IL17RC: variants seen among roughly 807,000 people sequenced by gnomAD.
The protein encoded by IL17RC is interleukin-17 receptor C.
Under a neutral mutation model 86.7 loss-of-function variants are expected in IL17RC, and 53 were observed. That is an observed-to-expected ratio of 0.61 (90% CI 0.49 to 0.77). The LOEUF is 0.77. Among genes scored for constraint, IL17RC ranks in the 30% least tolerant of loss-of-function variants. The pLI is 0.00. For synonymous variants in IL17RC, 439 were observed against 413.1 expected, an observed-to-expected ratio of 1.06 and a Z score of -0.76; for missense variants, 957 against 940.0, an observed-to-expected ratio of 1.02 and a Z score of -0.24.
In IL17RC at chr3:9,924,308, G is replaced by C; in HGVS notation, c.822+17G>C. The C allele has an allele frequency of 1.2e-6, 2 of 1,612,784 alleles. No individual in the cohort carries two copies. The highest frequency in any genetic ancestry group is 1.7e-6 in the Non-Finnish European group (2 of 1,178,948). On this transcript the variant is annotated intron_variant, in intron 9 of 18. Transcript: ENST00000403601. ...TGTATTCAGGTAGGAGCAGAGTCTAGCTGGGTGCCAGAAGAGGAGTGGGAA... is the reference window on the plus strand; with the variant it reads ...TGTATTCAGGTAGGAGCAGAGTCTACCTGGGTGCCAGAAGAGGAGTGGGAA...
At position 9,933,464 on chromosome 3, in the gene IL17RC, A is replaced by T. The variant is rs768368148; in HGVS notation, c.2034A>T (p.Gln678His). Residue 678 changes from glutamine (Q) to histidine (H), a missense_variant, in exon 19 of 19, where the codon CAA becomes CAT. Gln to His is a conservative substitution (Grantham distance 24). Transcript: ENST00000403601. ...GCGCCCCGCGTTCCGGGCGGCTCCA[A>T]GAGAGAGCGGAGCAAGTGTCCCGGG... The part of the protein sequence containing the change: ...QPRAPRSGRL[Q>H]ERAEQVSRAL... The T allele has an allele frequency of 6.2e-7, 1 of 1,612,866 alleles. No homozygotes were observed. Among genetic ancestry groups the T allele is most frequent in the Non-Finnish European group, 8.5e-7 (1 of 1,179,728 alleles).
intron 9 of IL17RC, among the ~76,000 whole-genome samples, 180 bp downstream of exon 9, chr3:9,924,471 C>T (rs1265876579): frequency 6.6e-6 from 1 of 152,168 alleles, no homozygotes; most frequent in Non-Finnish European, 1.5e-5. Context: ...TATTACATTC[C>T]CTGAATGCTC....
intron 7 of IL17RC, 106 bp downstream of exon 7, chr3:9,921,075 A>C: frequency 1.6e-6 from 1 of 642,372 alleles, no homozygotes; most frequent in Non-Finnish European, 2.7e-6. Context: ...TCAGAAGCTC[A>C]CAGAACATAT....
intron 7 of IL17RC, among the ~76,000 whole-genome samples, chr3:9,922,238 G>A (rs150571253): frequency 1.3e-5 from 2 of 152,088 alleles, no homozygotes; most frequent in African/African-American, 4.8e-5. Context: ...GGCATGAGCC[G>A]CCACGTCCGG....
At chr3:9,918,111 CGTGA>C (rs1297207042) in intron 3 of IL17RC, 36 bp downstream of exon 3, 7 of 1,547,920 alleles carry the variant, frequency 4.5e-6, no homozygotes, top group Non-Finnish European at 6.1e-6. Flanking sequence ...CATGTGTACA[CGTGA>C]GTGTGTCTGG....
Position 9,932,619 on chromosome 3 carries a change from C to A in IL17RC, c.1399C>A (p.Arg467Ser). ...ACPMDKYIHKRWALVWLACLL... is the reference protein window; with the variant it reads ...ACPMDKYIHKSWALVWLACLL... ...TCTGGGTCTCCCAGACATCCACAAG[C>A]GCTGGGCCCTCGTGTGGCTGGCCTG... The change falls in exon 17 of 19, where the codon CGC becomes AGC. Residue 467 changes from arginine to serine, a missense_variant. By Grantham distance (110) the Arg-to-Ser change is moderately radical. Coordinates refer to ENST00000403601, the MANE Select transcript of IL17RC (RefSeq NM_153460.4). 6.2e-7 allele frequency: 1 copy of A among 1,614,074 alleles called. No homozygotes were observed. Among genetic ancestry groups the A allele is most frequent in the Non-Finnish European group, 8.5e-7 (1 of 1,179,904 alleles).
chr3:9,926,490 C>A (rs1275427071), intron 9 of IL17RC, among the ~76,000 whole-genome samples: 1 of 151,944 alleles, frequency 6.6e-6, no homozygotes, highest in African/African-American at 2.4e-5. Flanking sequence ...AATATTTTAT[C>A]CTTACTACAA....
intron 5 of IL17RC, among the ~76,000 whole-genome samples, chr3:9,919,509 G>C (rs2083372266): frequency 6.6e-6 from 1 of 152,114 alleles, no homozygotes; most frequent in African/African-American, 2.4e-5. Context: ...AGCCAGGCAT[G>C]GTGGTGGGCG....
intron 9 of IL17RC, among the ~76,000 whole-genome samples, chr3:9,926,773 C>T (rs555811341): frequency 1.2e-4 from 19 of 152,218 alleles, no homozygotes; most frequent in African/African-American, 2.2e-4. Flanking sequence ...CAAGTGCATG[C>T]CACCATGCCC....
intron 7 of IL17RC, among the ~76,000 whole-genome samples, chr3:9,922,639 G>A (rs1197605867): frequency 6.6e-6 from 1 of 152,190 alleles, no homozygotes; most frequent in Non-Finnish European, 1.5e-5. Flanking sequence ...CAGGGTGGGG[G>A]TGAGGAAGGA....
chr3:9,930,051 G>C lies in IL17RC; in HGVS notation c.1180G>C (p.Asp394His). 1.2e-6 allele frequency: 2 copies of C among 1,614,074 alleles called. No homozygotes were observed. The highest frequency in any genetic ancestry group is 1.7e-6 in the Non-Finnish European group (2 of 1,180,008). The change falls in exon 14 of 19, where the codon GAT becomes CAT. Residue 394 changes from aspartate (D) to histidine (H), a missense_variant. Physicochemically the swap from Asp to His is moderately conservative, Grantham distance 81 (BLOSUM62 -1). Transcript: ENST00000403601. The surrounding 1 kb of genome is among the most constrained non-coding windows in gnomAD (Gnocchi z 5.8). ...AGACTCCCTGGGGCCTCTCAAAGAC[G>C]ATGTGCTACTGTTGGAGACACGAGG... ...WADSLGPLKD[D>H]VLLLETRGPQ...
Position 9,922,611 on chromosome 3 carries a change from C to T in IL17RC, c.623-1270C>T, listed in dbSNP as rs146088214. Among the ~76,000 whole-genome samples, 222 of 152,270 alleles carry T rather than the reference C, an allele frequency of 1.5e-3. 2 individuals carry two copies. Among genetic ancestry groups the T allele is most frequent in the Admixed American group, 0.013 (192 of 15,288 alleles). On this transcript the variant is annotated intron_variant, in intron 7 of 18. Transcript: ENST00000403601. ...GAAGATGACAAAAAACCCGACCCCA[C>T]GGAGCTGGTGTCAGGGTCAGGGTGG...
In IL17RC at chr3:9,933,151, G is replaced by GC. The variant is rs1270772496; in HGVS notation, c.1722dup (p.Gly575ArgfsTer120). ...CAGCGGCGCCAGACCCTGCAGGAGGGCGGCGTGGTGGTCTTGCTCTTCTCT... is the reference window on the plus strand; with the variant it reads ...CAGCGGCGCCAGACCCTGCAGGAGGGCCGGCGTGGTGGTCTTGCTCTTCTCT... On this transcript the variant is annotated frameshift_variant, in exon 19 of 19. Coordinates refer to ENST00000403601, the MANE Select transcript of IL17RC (RefSeq NM_153460.4). LOFTEE classifies it low-confidence loss of function (END_TRUNC). 6.2e-7 allele frequency: 1 copy of GC among 1,602,922 alleles called. No individual in the cohort carries two copies. Among genetic ancestry groups the GC allele is most frequent in the African/African-American group, 1.3e-5 (1 of 74,582 alleles).
chr3:9,933,541 C>G lies in IL17RC; in HGVS notation c.2111C>G (p.Pro704Arg), dbSNP rs1458109447. The G allele has an allele frequency of 6.2e-7, 1 of 1,606,590 alleles. No homozygotes were observed. The highest frequency in any genetic ancestry group is 1.7e-5 in the Admixed American group (1 of 59,456). Reference protein sequence around the residue: ...SYFHPPGTPAPGRGVGPGAGP... With the variant: ...SYFHPPGTPARGRGVGPGAGP... ...TTCCATCCCCCGGGGACTCCCGCGC[C>G]GGGACGCGGGGTGGGACCAGGCGCG... is the stretch of plus-strand genomic sequence containing the variant. Residue 704 changes from proline (P) to arginine (R), a missense_variant, in exon 19 of 19, where the codon CCG becomes CGG. By Grantham distance (103) the Pro-to-Arg change is moderately radical. Transcript: ENST00000403601.
In IL17RC at chr3:9,930,606, GCA is replaced by G. The variant is rs1191329356; in HGVS notation, c.1338+151_1338+152del. 1.1e-5 allele frequency: 9 copies of G among 806,934 alleles called. No homozygotes were observed. The highest frequency in any genetic ancestry group is 1.8e-5 in the Non-Finnish European group (9 of 497,162). 50.0% of individuals were successfully genotyped at this position (806,934 alleles called of 1,614,324 possible). On this transcript the variant is annotated intron_variant, in intron 15 of 18. Transcript: ENST00000403601. The surrounding 1 kb of genome is among the most constrained non-coding windows in gnomAD (Gnocchi z 5.8). ...GAAGCACAGTTCCTATCCCCAAGGA[GCA>G]CACTGTTGGCTAGACACCCATAAAC...
Position 9,917,209 on chromosome 3 carries a change from G to C in IL17RC, c.-107G>C. The C allele has an allele frequency of 1.2e-6, 1 of 838,742 alleles. No individual in the cohort carries two copies. The allele number at this position is 838,742 out of a possible 1,614,324, so 52.0% of individuals were successfully genotyped here. ...CCGCCCCCTCTGGAGGCTGAAGAGG[G>C]ATTCCAGCCCCTGCCACCCACAGAC... On this transcript the variant is annotated 5_prime_UTR_variant, in exon 1 of 19. Transcript: ENST00000403601.
intron 16 of IL17RC, among the ~76,000 whole-genome samples, chr3:9,932,064 C>A (rs1020144988): frequency 6.6e-6 from 1 of 151,966 alleles, no homozygotes; most frequent in Non-Finnish European, 1.5e-5. Context: ...TATATTTAGT[C>A]CTCACACCAA....
In IL17RC at chr3:9,928,258, C is replaced by T. The variant is rs199597700; in HGVS notation, c.877+38C>T. The T allele has an allele frequency of 5.9e-4, 947 of 1,613,686 alleles. 1 individual carries two copies. Among genetic ancestry groups the T allele is most frequent in the Non-Finnish European group, 7.2e-4 (851 of 1,179,742 alleles). ...GCCTGGGGCTGGGGTTGGGGTGTTG[C>T]GAGCGATGGGTACCTGGCCTGCGGT... is the stretch of plus-strand genomic sequence containing the variant. On this transcript the variant is annotated intron_variant, in intron 10 of 18. Coordinates refer to ENST00000403601, the MANE Select transcript of IL17RC (RefSeq NM_153460.4).
rs745673794 is a variant in IL17RC at position 9,928,629 on chromosome 3, A to T, written c.1109A>T (p.Gln370Leu). ...AAAGGCCACCCTAACCTCTGTGTTCAGGTCAGAAAGGGGTGCATAGTGCTG... is the reference window on the plus strand; with the variant it reads ...AAAGGCCACCCTAACCTCTGTGTTCTGGTCAGAAAGGGGTGCATAGTGCTG... ...LLKGHPNLCV[Q>L]VNSSEKLQLQ... is the part of the protein sequence containing the mutation. The change falls in exon 12 of 19, where the codon CAG becomes CTG. Residue 370 changes from glutamine to leucine, a missense_variant and splice_region_variant. Coordinates refer to ENST00000403601, the MANE Select transcript of IL17RC (RefSeq NM_153460.4). 1 of 1,613,670 alleles carries T rather than the reference A, an allele frequency of 6.2e-7. No homozygotes were observed. Among genetic ancestry groups the T allele is most frequent in the South Asian group, 1.1e-5 (1 of 91,078 alleles).
Sources: gnomAD v4.1 joint callset for allele counts (sites outside exome capture counted in the v4.1 genomes callset) on GRCh38, gnomAD v4.1.1 for gene constraint, Gnocchi (gnomAD v3.1) non-coding constraint, MANE v1.5 for transcripts, NCBI Gene and HGNC (gene_info 2026-07-23, HGNC 2026-07-21) for gene names.